Variants in TENM2 observed in about 807,000 individuals in gnomAD.
The protein encoded by TENM2 is teneurin transmembrane protein 2, also known as teneurin-2.
In TENM2, 52 loss-of-function variants were observed where a neutral mutation model predicts 245.2. The observed-to-expected ratio is 0.21, with a 90% CI of 0.17 to 0.27. TENM2 has a LOEUF of 0.27. Among genes scored for constraint, TENM2 ranks in the 10% least tolerant of loss-of-function variants. TENM2 has a pLI of 1.00. For synonymous variants in TENM2, 1,363 were observed against 1,438.9 expected (o/e 0.95, Z 1.19); for missense variants, 3,046 against 3,666.8 (o/e 0.83, Z 4.37).
chr5:167,784,199 A>T (rs1419612650), intron 2 of TENM2, among the ~76,000 whole-genome samples: 2 of 152,212 alleles, frequency 1.3e-5, no homozygotes, highest in African/African-American at 4.8e-5. Flanking sequence ...ATGAGTTTTT[A>T]GACTTTGGAA....
At chr5:167,040,009 G>C in the TENM2 span, among the ~76,000 whole-genome samples, 1 of 152,126 alleles carries the variant, frequency 6.6e-6, no homozygotes, top group Non-Finnish European at 1.5e-5. Context: ...GTATCTGTCT[G>C]CATAGAGACA....
chr5:167,359,432 T>A (rs1426870844), intron 1 of TENM2, among the ~76,000 whole-genome samples: 1 of 152,196 alleles, frequency 6.6e-6, no homozygotes, highest in Admixed American at 6.5e-5. Flanking sequence ...GTAGTTTTTT[T>A]AAAGTCACTT....
At position 167,438,492 on chromosome 5, in the gene TENM2, C is replaced by T. The variant is rs183530571; in HGVS notation, c.502+63019C>T. 7.4e-3 allele frequency among the ~76,000 whole-genome samples: 1,119 copies of T among 151,404 alleles called. 15 individuals are homozygous for T. Among genetic ancestry groups the T allele is most frequent in the African/African-American group, 0.026 (1,059 of 41,368 alleles). On this transcript the variant is annotated intron_variant, in intron 2 of 28. Coordinates refer to ENST00000518659, the Ensembl canonical transcript of TENM2. ...CTGCAAGCTCTGCCTCCTGAGTTCA[C>T]GGTATTCTCCTGCCTCAGCCTCCCA... is the stretch of plus-strand genomic sequence containing the variant.
the TENM2 span, among the ~76,000 whole-genome samples, chr5:167,237,049 C>G: frequency 6.6e-6 from 1 of 152,140 alleles, no homozygotes; most frequent in Non-Finnish European, 1.5e-5. Context: ...TCAGAAGTTT[C>G]TCTTGCAATT....
At chr5:167,816,249 T>C (rs1767048267) in intron 2 of TENM2, among the ~76,000 whole-genome samples, 1 of 152,264 alleles carries the variant, frequency 6.6e-6, no homozygotes, top group South Asian at 2.1e-4. Flanking sequence ...TCCCTTCCTG[T>C]ATTCCCTTTG....
intron 2 of TENM2, among the ~76,000 whole-genome samples, chr5:167,474,175 G>C (rs1767220207): frequency 6.6e-6 from 1 of 152,126 alleles, no homozygotes; most frequent in Non-Finnish European, 1.5e-5. Context: ...AGATGAAGTT[G>C]TCAAGTATTT....
At chr5:168,124,451 T>C (rs1469223151) in intron 10 of TENM2, among the ~76,000 whole-genome samples, 3 of 152,222 alleles carry the variant, frequency 2.0e-5, no homozygotes, top group Non-Finnish European at 4.4e-5. Context: ...CAATCCAGTT[T>C]GACGACACAT....
chr5:168,237,820 T>C (rs1204351587), intron 25 of TENM2, among the ~76,000 whole-genome samples: 1 of 151,872 alleles, frequency 6.6e-6, no homozygotes, highest in South Asian at 2.1e-4. Context: ...GCATTGAGTC[T>C]TGTTGTGTGG....
chr5:168,050,214 C>T (rs1017261756), intron 6 of TENM2, among the ~76,000 whole-genome samples: 3 of 152,154 alleles, frequency 2.0e-5, no homozygotes, highest in Non-Finnish European at 2.9e-5. Flanking sequence ...AAATTTGAAA[C>T]TTAAAAAGAG....
exon 21 of TENM2, chr5:168,215,099 T>A: frequency 2.5e-6 from 4 of 1,613,880 alleles, no homozygotes; most frequent in Non-Finnish European, 3.4e-6. Context: ...TCGCTCTACG[T>A]GTCCGACACC....
chr5:167,997,390 C>T (rs1457774549), intron 5 of TENM2, among the ~76,000 whole-genome samples: 1 of 152,222 alleles, frequency 6.6e-6, no homozygotes, highest in Non-Finnish European at 1.5e-5. Context: ...TTGGTTCCTG[C>T]TTCCTGAATC....
intron 2 of TENM2, among the ~76,000 whole-genome samples, chr5:167,549,216 G>A (rs900823085): frequency 9.9e-5 from 15 of 152,026 alleles, no homozygotes; most frequent in East Asian, 3.9e-4. Context: ...CACCAACCCC[G>A]AATCTATAAG....
chr5:167,832,863 A>T (rs1434405286), intron 2 of TENM2, among the ~76,000 whole-genome samples: 1 of 148,598 alleles, frequency 6.7e-6, no homozygotes, highest in Non-Finnish European at 1.5e-5. Flanking sequence ...TTCTTAACTT[A>T]CAATTGTAGA....
At chr5:167,177,703 G>T in the TENM2 span, among the ~76,000 whole-genome samples, 1 of 152,184 alleles carries the variant, frequency 6.6e-6, no homozygotes, top group African/African-American at 2.4e-5. Flanking sequence ...TCGTGTCAGG[G>T]AAAGCAGTTG....
intron 4 of TENM2, among the ~76,000 whole-genome samples, chr5:167,992,288 TG>T (rs1025739380): frequency 2.0e-5 from 3 of 151,910 alleles, no homozygotes; most frequent in African/African-American, 7.3e-5. Flanking sequence ...AGAATATATC[TG>T]GATTACAGAA....
intron 2 of TENM2, among the ~76,000 whole-genome samples, chr5:167,510,307 C>G (rs1486046152): frequency 4.6e-5 from 7 of 152,170 alleles, no homozygotes; most frequent in Admixed American, 4.6e-4. Context: ...ATTTGCCATG[C>G]TCCCACTAAG....
chr5:168,231,183 A>G (rs1207866622), intron 25 of TENM2: 1 of 152,298 alleles, frequency 6.6e-6, no homozygotes, highest in Non-Finnish European at 1.5e-5. Flanking sequence ...ACCACAGGGA[A>G]GCCTGGAAAA....
chr5:167,207,632 C>T, the TENM2 span, among the ~76,000 whole-genome samples: 9 of 152,182 alleles, frequency 5.9e-5, no homozygotes, highest in African/African-American at 2.2e-4. Flanking sequence ...CAGGCACTCT[C>T]CTCCAATATC....
the TENM2 span, among the ~76,000 whole-genome samples, chr5:167,026,002 C>A: frequency 6.6e-6 from 1 of 152,304 alleles, no homozygotes; most frequent in African/African-American, 2.4e-5. Flanking sequence ...AAATTCCTTT[C>A]ATCCCTATCC....
Sources: gnomAD v4.1 joint callset for allele counts (sites outside exome capture counted in the v4.1 genomes callset) on GRCh38, gnomAD v4.1.1 for gene constraint, MANE v1.5 for transcripts, NCBI Gene and HGNC (gene_info 2026-07-23, HGNC 2026-07-21) for gene names.